The following EDARADD variants were observed in gnomAD, a reference collection of about 807,000 sequenced individuals.
EDARADD encodes the protein ectodysplasin-A receptor-associated adapter protein.
Under a neutral mutation model 25.6 loss-of-function variants are expected in EDARADD, and 20 were observed. The ratio of observed to expected loss-of-function variants is 0.78; its 90% CI spans 0.55 to 1.14. The LOEUF (loss-of-function observed/expected upper bound fraction) is 1.14. EDARADD is among the 50% of genes most tolerant of loss of function. The pLI, the probability that EDARADD is intolerant of heterozygous loss-of-function variation, is 0.00. For missense variants in EDARADD, 225 were observed against 270.1 expected, an observed-to-expected ratio of 0.83 and a Z score of 1.17; for synonymous variants, 86 against 94.4, an observed-to-expected ratio of 0.91 and a Z score of 0.52.
At chr1:236,478,173 A>G (rs1324224727) in intron 5 of EDARADD, among the ~76,000 whole-genome samples, 2 of 152,066 alleles carry the variant, frequency 1.3e-5, no homozygotes, top group African/African-American at 4.8e-5. Context: ...CTGGAGAGCA[A>G]TTTGGGGCAC....
chr1:236,467,677 A>G (rs1391956630), intron 4 of EDARADD, among the ~76,000 whole-genome samples: 1 of 152,232 alleles, frequency 6.6e-6, no homozygotes, highest in South Asian at 2.1e-4. Flanking sequence ...ACAAGCCCTG[A>G]CAGACAAAAA....
At chr1:236,449,408 A>T (rs1658648794) in intron 4 of EDARADD, among the ~76,000 whole-genome samples, 1 of 152,238 alleles carries the variant, frequency 6.6e-6, no homozygotes. Flanking sequence ...TCGAAATCTG[A>T]TACTTAGTAG....
Position 236,460,442 on chromosome 1 carries a change from TC to T in EDARADD, c.220-7786del, listed in dbSNP as rs1659008448. ...CTCAGACAATCCACCCACCTTGGCC[TC>T]CCAAACTGTTGAGATTACAGGAATG... On this transcript the variant is annotated intron_variant, in intron 4 of 5. Coordinates refer to ENST00000334232, the MANE Select transcript of EDARADD (RefSeq NM_145861.4). Among the ~76,000 whole-genome samples the T allele has an allele frequency of 2.0e-5, 3 of 152,116 alleles. No homozygotes were observed. The South Asian group carries it at 6.2e-4, about 31-fold the overall frequency.
At chr1:236,449,511 G>A (rs751937077) in intron 4 of EDARADD, among the ~76,000 whole-genome samples, 1 of 152,208 alleles carries the variant, frequency 6.6e-6, no homozygotes, top group East Asian at 1.9e-4. Flanking sequence ...ACACCTTGAT[G>A]GTTTCCATTC....
intron 4 of EDARADD, among the ~76,000 whole-genome samples, chr1:236,462,046 G>A (rs1659051757): frequency 6.6e-6 from 1 of 152,166 alleles, no homozygotes. Flanking sequence ...GCTGGGCACT[G>A]CAGGACAGTT....
At chr1:236,469,528 A>T (rs1472327682) in intron 5 of EDARADD, among the ~76,000 whole-genome samples, 1 of 152,018 alleles carries the variant, frequency 6.6e-6, no homozygotes. Context: ...CCTCACCAAC[A>T]TTTTCTACAT....
intron 4 of EDARADD, among the ~76,000 whole-genome samples, chr1:236,449,187 T>C (rs1291504318): frequency 6.6e-6 from 1 of 152,214 alleles, no homozygotes; most frequent in Non-Finnish European, 1.5e-5. Flanking sequence ...AATGTCCCGA[T>C]TTTATAAGGA....
chr1:236,365,718 C>T (rs1667106214), intron 3 of EDARADD, among the ~76,000 whole-genome samples: 1 of 152,024 alleles, frequency 6.6e-6, no homozygotes, highest in African/African-American at 2.4e-5. Flanking sequence ...TTTCAGTTGG[C>T]CTCCCTCCTT....
intron 5 of EDARADD, among the ~76,000 whole-genome samples, chr1:236,479,633 C>T (rs1257921303): frequency 1.3e-5 from 2 of 152,064 alleles, no homozygotes; most frequent in Non-Finnish European, 2.9e-5. Flanking sequence ...GCTTCTACTC[C>T]ATGCTCCCCA....
chr1:236,449,226 C>T (rs1028317663), intron 4 of EDARADD, among the ~76,000 whole-genome samples: 2 of 152,176 alleles, frequency 1.3e-5, no homozygotes, highest in Non-Finnish European at 2.9e-5. Context: ...TTAGAGCCCA[C>T]CCTAATGATC....
Position 236,482,750 on chromosome 1 carries a change from G to A in EDARADD, c.*101G>A, listed in dbSNP as rs774204933. 18 of 1,548,906 alleles carry A rather than the reference G, an allele frequency of 1.2e-5. No individual in the cohort carries two copies. Among genetic ancestry groups the A allele is most frequent in the East Asian group, 4.5e-5 (2 of 44,450 alleles). Reference sequence around the variant, plus strand: ...TTTTATAAGAGTTTAGGACAAGGACGTGGAACAGTGGACACTGGTTTTCCC... The same window carrying A: ...TTTTATAAGAGTTTAGGACAAGGACATGGAACAGTGGACACTGGTTTTCCC... On this transcript the variant is annotated 3_prime_UTR_variant, in exon 6 of 6. Transcript: ENST00000334232.
intron 5 of EDARADD, among the ~76,000 whole-genome samples, chr1:236,472,441 G>A (rs1659383789): frequency 6.6e-6 from 1 of 151,982 alleles, no homozygotes; most frequent in South Asian, 2.1e-4. Context: ...ACACATCAGG[G>A]TTTTGTAAAT....
At chr1:236,371,691 T>A (rs1254193313) in intron 3 of EDARADD, among the ~76,000 whole-genome samples, 2 of 151,526 alleles carry the variant, frequency 1.3e-5, no homozygotes, top group African/African-American at 4.8e-5. Context: ...TGCCTCAGCC[T>A]CCCAAGTAGC....
At chr1:236,380,726 G>T (rs530234122) in intron 3 of EDARADD, among the ~76,000 whole-genome samples, 1 of 152,206 alleles carries the variant, frequency 6.6e-6, no homozygotes, top group South Asian at 2.1e-4. Context: ...CTGTTTGTTT[G>T]TTGTAGAAAT....
chr1:236,452,742 C>G lies in EDARADD; in HGVS notation c.220-15489C>G, dbSNP rs1200115179. 2.0e-5 allele frequency among the ~76,000 whole-genome samples: 3 copies of G among 152,154 alleles called. No individual in the cohort carries two copies. In the East Asian group the frequency reaches 5.8e-4, roughly 29 times the overall value. On this transcript the variant is annotated intron_variant, in intron 4 of 5. Coordinates refer to ENST00000334232, the MANE Select transcript of EDARADD (RefSeq NM_145861.4). Reference sequence around the variant, plus strand: ...CAAGGGTCATACCACCACATTTGACCCACCCTTAGCTGGTCTTGGGGTTTA... The same window carrying G: ...CAAGGGTCATACCACCACATTTGACGCACCCTTAGCTGGTCTTGGGGTTTA...
At position 236,394,374 on chromosome 1, in the gene EDARADD, C is replaced by T; in HGVS notation, c.-71C>T. 3 of 1,518,984 alleles carry T rather than the reference C, an allele frequency of 2.0e-6. No homozygotes were observed. The highest frequency in any genetic ancestry group is 2.7e-6 in the Non-Finnish European group (3 of 1,093,690). The allele number at this position is 1,518,984 out of a possible 1,614,324, so 94.1% of individuals were successfully genotyped here. On this transcript the variant is annotated 5_prime_UTR_variant, in exon 1 of 6. Coordinates refer to ENST00000334232, the MANE Select transcript of EDARADD (RefSeq NM_145861.4). ...TGACTCTGGCCAGACAACCAGCGAG[C>T]ATCTTCTCGCAATCTGTTGCTTCTT... is the stretch of plus-strand genomic sequence containing the variant.
At chr1:236,390,424 G>A (rs1270846043), upstream of EDARADD, among the ~76,000 whole-genome samples, 2 of 152,046 alleles carry the variant, frequency 1.3e-5, no homozygotes, top group Non-Finnish European at 2.9e-5. Flanking sequence ...GCGTGGTGGC[G>A]GGCGCCTGTA....
intron 3 of EDARADD, among the ~76,000 whole-genome samples, chr1:236,426,783 T>C (rs1029866905): frequency 2.0e-5 from 3 of 152,196 alleles, no homozygotes; most frequent in Admixed American, 6.5e-5. Context: ...TCTTCCCAGA[T>C]ACTTGGGAGG....
At chr1:236,351,666 C>A (rs1451418411) in intron 3 of EDARADD, among the ~76,000 whole-genome samples, 1 of 150,206 alleles carries the variant, frequency 6.7e-6, no homozygotes, top group African/African-American at 2.5e-5. Flanking sequence ...GCCGAGATCA[C>A]CCCACTGCAC....
Sources: gnomAD v4.1 joint callset for allele counts (sites outside exome capture counted in the v4.1 genomes callset) on GRCh38, gnomAD v4.1.1 for gene constraint, MANE v1.5 for transcripts, NCBI Gene and HGNC (gene_info 2026-07-23, HGNC 2026-07-21) for gene names.